Variants in IPO5 observed in about 807,000 individuals in gnomAD.
IPO5 encodes importin 5.
IPO5 carries 18 observed loss-of-function variants against 143.3 expected under a neutral mutation model. The observed-to-expected ratio is 0.13, with a 90% CI of 0.09 to 0.19. The LOEUF is 0.19. IPO5 is among the 10% of genes least tolerant of loss of function. The probability of loss-of-function intolerance (pLI) is 1.00; values close to 1 mark genes in which losing one functional copy is unlikely to be tolerated. For missense variants in IPO5, 1,013 were observed against 1,336.9 expected, an observed-to-expected ratio of 0.76 and a Z score of 3.78; for synonymous variants, 477 against 465.7, an observed-to-expected ratio of 1.02 and a Z score of -0.31.
In IPO5 at chr13:98,014,579, G is replaced by A. The variant is rs763121554; in HGVS notation, c.2325+365G>A. 2.6e-5 allele frequency among the ~76,000 whole-genome samples: 4 copies of A among 152,122 alleles called. No homozygotes were observed. In the South Asian group the frequency reaches 8.3e-4, roughly 31 times the overall value. ...TTTTATATGCTATAGTGTATGATTT[G>A]TTAAAAAATAAAAATGTTAAATTTT... is the stretch of plus-strand genomic sequence containing the variant. On this transcript the variant is annotated intron_variant, in intron 22 of 28. Coordinates refer to ENST00000651721, the MANE Select transcript of IPO5 (RefSeq NM_002271.6).
intron 2 of IPO5, among the ~76,000 whole-genome samples, chr13:97,955,486 G>C (rs1039761741): frequency 6.6e-6 from 1 of 152,058 alleles, no homozygotes; most frequent in Non-Finnish European, 1.5e-5. Context: ...AAATGAGCGG[G>C]GAAAACACTT....
chr13:98,018,214 A>G (rs1813006003), intron 25 of IPO5, among the ~76,000 whole-genome samples: 1 of 152,160 alleles, frequency 6.6e-6, no homozygotes, highest in Non-Finnish European at 1.5e-5. Flanking sequence ...GTAAATTTAT[A>G]TACAATGCTT....
At chr13:98,012,385 A>T in intron 21 of IPO5, 43 bp downstream of exon 21, 1 of 1,165,492 alleles carries the variant, frequency 8.6e-7, no homozygotes, top group Non-Finnish European at 1.3e-6. Context: ...TAGATTTAGT[A>T]AACTTGTAGT....
chr13:97,960,435 A>G (rs1351215210), intron 2 of IPO5: 1 of 152,200 alleles, frequency 6.6e-6, no homozygotes, highest in Non-Finnish European at 1.5e-5. Flanking sequence ...GGGGGAAAAA[A>G]TCACTAATTG....
chr13:97,990,242 T>A lies in IPO5; in HGVS notation c.564+20T>A. ...CCGTCGGTAAATAATTTCAATCCTA[T>A]TAATATAACCATCTATTTTAATCTA... is the stretch of plus-strand genomic sequence containing the variant. On this transcript the variant is annotated intron_variant, in intron 8 of 28. Coordinates refer to ENST00000651721, the MANE Select transcript of IPO5 (RefSeq NM_002271.6). 6.7e-7 allele frequency: 1 copy of A among 1,483,474 alleles called. No individual in the cohort carries two copies. Among genetic ancestry groups the A allele is most frequent in the Non-Finnish European group, 9.4e-7 (1 of 1,064,218 alleles). The allele number at this position is 1,483,474 out of a possible 1,614,324, so 91.9% of individuals were successfully genotyped here. A position where few individuals can be genotyped will look rare whatever the true frequency, so the allele number is the denominator to read the frequency against.
intron 2 of IPO5, among the ~76,000 whole-genome samples, chr13:97,959,198 T>C (rs959378575): frequency 6.7e-6 from 1 of 150,166 alleles, no homozygotes; most frequent in Admixed American, 6.6e-5. Flanking sequence ...AGAGAACAAG[T>C]CACACTACAG....
chr13:97,976,919 C>T (rs1340889823), intron 4 of IPO5, 133 bp downstream of exon 4: 1 of 170,920 alleles, frequency 5.9e-6, no homozygotes, highest in African/African-American at 2.4e-5. Flanking sequence ...GGCCGCGCAG[C>T]CCACGTGTGA....
intron 16 of IPO5, among the ~76,000 whole-genome samples, chr13:98,005,898 G>GT (rs1275851110): frequency 6.6e-6 from 1 of 152,016 alleles, no homozygotes; most frequent in East Asian, 1.9e-4. Context: ...ACTAACATGA[G>GT]TTAGAGGTGT....
chr13:97,975,840 G>C (rs771484739), intron 3 of IPO5: 618 of 837,262 alleles, frequency 7.4e-4, no homozygotes, highest in Non-Finnish European at 8.6e-4. Flanking sequence ...GGCTGGGGAC[G>C]GGCGGCCTGG....
intron 9 of IPO5, among the ~76,000 whole-genome samples, chr13:97,991,373 A>G (rs536693875): frequency 1.3e-5 from 2 of 152,224 alleles, no homozygotes; most frequent in South Asian, 4.1e-4. Context: ...TGCAATAGCT[A>G]AAACTGGACT....
intron 11 of IPO5, among the ~76,000 whole-genome samples, chr13:97,995,261 C>T (rs909532375): frequency 4.7e-5 from 7 of 147,580 alleles, no homozygotes; most frequent in African/African-American, 1.8e-4. Flanking sequence ...GATTTTGGTG[C>T]ACCCATTACG....
At chr13:97,970,713 G>A (rs1885758203) in intron 3 of IPO5, among the ~76,000 whole-genome samples, 1 of 152,198 alleles carries the variant, frequency 6.6e-6, no homozygotes, top group African/African-American at 2.4e-5. Flanking sequence ...AATGAGCATT[G>A]CAACTGTAGC....
At chr13:97,993,266 C>G (rs775925466) in intron 11 of IPO5, 41 bp downstream of exon 11, 4 of 1,566,960 alleles carry the variant, frequency 2.6e-6, no homozygotes, top group Non-Finnish European at 8.7e-7. Context: ...GTATTGTGGC[C>G]AAATTTTTGG....
intron 3 of IPO5, among the ~76,000 whole-genome samples, chr13:97,971,017 G>A (rs1024023812): frequency 6.6e-6 from 1 of 152,188 alleles, no homozygotes; most frequent in African/African-American, 2.4e-5. Context: ...ACCCATTTCA[G>A]AGAAGAAGAA....
chr13:97,973,095 T>TGCA (rs1190866215), intron 3 of IPO5, among the ~76,000 whole-genome samples: 2 of 144,878 alleles, frequency 1.4e-5, no homozygotes, highest in African/African-American at 2.6e-5. Context: ...CATGCTGTAG[T>TGCA]GCAGTGGCAT....
intron 16 of IPO5, among the ~76,000 whole-genome samples, chr13:98,004,537 T>C (rs970959852): frequency 1.3e-5 from 2 of 152,204 alleles, no homozygotes; most frequent in Admixed American, 6.5e-5. Context: ...ACCCCTGCCC[T>C]TCCTTCCTGC....
Position 97,993,220 on chromosome 13 carries a change from A to T in IPO5, c.908A>T (p.Gln303Leu). 6.2e-7 allele frequency: 1 copy of T among 1,613,640 alleles called. No homozygotes were observed. The highest frequency in any genetic ancestry group is 8.5e-7 in the Non-Finnish European group (1 of 1,179,890). ...MLRKHTNIVAQTIPQMLAMMV... is the reference protein window; with the variant it reads ...MLRKHTNIVALTIPQMLAMMV... Reference sequence around the variant, plus strand: ...AGAAAACATACCAATATTGTTGCACAGACTAGTAAGTCAATGGTCTTCAGA... The same window carrying T: ...AGAAAACATACCAATATTGTTGCACTGACTAGTAAGTCAATGGTCTTCAGA... The change falls in exon 11 of 29, where the codon CAG (glutamine) becomes CTG (leucine). Residue 303 changes from glutamine (Q) to leucine (L), a missense_variant. Transcript: ENST00000651721.
intron 3 of IPO5, among the ~76,000 whole-genome samples, chr13:97,973,658 T>C (rs1886019255): frequency 6.6e-6 from 1 of 152,222 alleles, no homozygotes; most frequent in Non-Finnish European, 1.5e-5. Context: ...ATTTAAAATG[T>C]TAAAATAAGG....
intron 25 of IPO5, among the ~76,000 whole-genome samples, chr13:98,017,750 G>T (rs1409080663): frequency 6.6e-6 from 1 of 152,116 alleles, no homozygotes; most frequent in Non-Finnish European, 1.5e-5. Context: ...TTCTGTTATG[G>T]ACCTACATCA....
Sources: gnomAD v4.1 joint callset for allele counts (sites outside exome capture counted in the v4.1 genomes callset) on GRCh38, gnomAD v4.1.1 for gene constraint, MANE v1.5 for transcripts, NCBI Gene and HGNC (gene_info 2026-07-23, HGNC 2026-07-21) for gene names.